The following LYST variants were observed in gnomAD, a reference collection of about 807,000 sequenced individuals.
LYST encodes the protein lysosomal-trafficking regulator.
LYST carries 192 observed loss-of-function variants against 413.6 expected under a neutral mutation model. The ratio of observed to expected loss-of-function variants is 0.46; its 90% CI spans 0.41 to 0.52. LYST has a LOEUF of 0.52. LYST is among the 20% of genes least tolerant of loss of function. LYST has a pLI of 0.00. For missense variants in LYST, 3,815 were observed against 4,499.9 expected (o/e 0.85, Z 4.35); for synonymous variants, 1,525 against 1,567.3 (o/e 0.97, Z 0.64).
chr1:235,882,926 T>C, intron 1 of LYST, among the ~76,000 whole-genome samples: 1 of 152,146 alleles, frequency 6.6e-6, no homozygotes, highest in East Asian at 1.9e-4. Flanking sequence ...ATGAATGTCT[T>C]TGGCTCACCC....
intron 20 of LYST, among the ~76,000 whole-genome samples, chr1:235,767,224 A>T (rs963740572): frequency 6.6e-6 from 1 of 152,080 alleles, no homozygotes; most frequent in African/African-American, 2.4e-5. Context: ...AAAATTCCTC[A>T]TCTTCCCTCT....
chr1:235,801,028 A>T lies in LYST; in HGVS notation c.3782T>A (p.Leu1261His). The T allele has an allele frequency of 1.2e-6, 2 of 1,613,668 alleles. No individual in the cohort carries two copies. Among genetic ancestry groups the T allele is most frequent in the Non-Finnish European group, 1.7e-6 (2 of 1,179,720 alleles). ...SSSPNDLLEN[L>H]TQGEIIYPEI... ...AGGATAAATTATTTCCCCTTGAGTG[A>T]GGTTTTCGAGTAAGTCATTTGGACT... The change falls in exon 9 of 53, where the codon CTC becomes CAC. Residue 1261 changes from leucine to histidine, a missense_variant. Coordinates refer to ENST00000389793, the MANE Select transcript of LYST (RefSeq NM_000081.4).
At chr1:235,778,790 G>C (rs1431023642) in intron 16 of LYST, among the ~76,000 whole-genome samples, 1 of 152,060 alleles carries the variant, frequency 6.6e-6, no homozygotes, top group Non-Finnish European at 1.5e-5. Flanking sequence ...TGCTGGAAAA[G>C]CAAAGTTTCA....
At chr1:235,796,605 T>C (rs1671578957) in intron 10 of LYST, among the ~76,000 whole-genome samples, 1 of 152,170 alleles carries the variant, frequency 6.6e-6, no homozygotes, top group Admixed American at 6.5e-5. Flanking sequence ...GATGGGATCT[T>C]TGGGAGGTGA....
chr1:235,825,776 A>C (rs999358721), intron 3 of LYST, among the ~76,000 whole-genome samples: 1 of 152,214 alleles, frequency 6.6e-6, no homozygotes, highest in Non-Finnish European at 1.5e-5. Context: ...TATAGATTCA[A>C]TGCCATCTTA....
At chr1:235,787,965 T>C (rs1250753779) in intron 13 of LYST, among the ~76,000 whole-genome samples, 1 of 152,092 alleles carries the variant, frequency 6.6e-6, no homozygotes, top group Non-Finnish European at 1.5e-5. Context: ...AAGGACAAGA[T>C]AACAAGGAGA....
chr1:235,835,311 T>A (rs1676451530), intron 1 of LYST, among the ~76,000 whole-genome samples: 4 of 152,108 alleles, frequency 2.6e-5, no homozygotes, highest in Admixed American at 2.6e-4. Flanking sequence ...AGCCTAAAGA[T>A]GGTATTATAT....
chr1:235,757,437 T>C lies in LYST; in HGVS notation c.6903A>G (p.Val2301=). 1 of 1,613,514 alleles carries C rather than the reference T, an allele frequency of 6.2e-7. No individual in the cohort carries two copies. The highest frequency in any genetic ancestry group is 8.5e-7 in the Non-Finnish European group (1 of 1,179,640). ...GTTCATATAATCCACAGCATATAGG[T>C]ACCAAACAGTCTTCAGTTACACTAA... The part of the protein sequence containing the change: ...SAHSVTEDCL[V]PICCGLYELL... Residue 2301 remains valine, a synonymous_variant, in exon 24 of 53, where the codon GTA becomes GTG. Coordinates refer to ENST00000389793, the MANE Select transcript of LYST (RefSeq NM_000081.4).
intron 39 of LYST, among the ~76,000 whole-genome samples, chr1:235,723,109 T>G (rs756240791): frequency 4.6e-5 from 7 of 151,598 alleles, no homozygotes; most frequent in Non-Finnish European, 1.0e-4. Flanking sequence ...AGAACAAGAG[T>G]CTTGGATAAT....
intron 37 of LYST, 139 bp downstream of exon 37, chr1:235,729,457 T>C (rs1160428075): frequency 4.4e-6 from 3 of 686,900 alleles, no homozygotes; most frequent in African/African-American, 1.8e-5. Context: ...TTACATATAA[T>C]GTTAAGGCAA....
chr1:235,843,584 C>A (rs1203473592), intron 1 of LYST, among the ~76,000 whole-genome samples: 1 of 151,952 alleles, frequency 6.6e-6, no homozygotes, highest in African/African-American at 2.4e-5. Flanking sequence ...ACAGACAGTG[C>A]CATCTGAAGG....
intron 1 of LYST, among the ~76,000 whole-genome samples, chr1:235,844,055 G>T (rs1196254358): frequency 6.6e-6 from 1 of 152,164 alleles, no homozygotes; most frequent in Non-Finnish European, 1.5e-5. Flanking sequence ...ATAATGTACA[G>T]AATAATAAGT....
chr1:235,741,298 C>G, intron 31 of LYST, 124 bp downstream of exon 31: 1 of 886,176 alleles, frequency 1.1e-6, no homozygotes, highest in Non-Finnish European at 1.8e-6. Context: ...GTTAAATTTG[C>G]TTGGTAAGAA....
intron 21 of LYST, among the ~76,000 whole-genome samples, chr1:235,763,485 C>T (rs1667799065): frequency 6.6e-6 from 1 of 152,216 alleles, no homozygotes; most frequent in African/African-American, 2.4e-5. Context: ...CAGTCTTGCT[C>T]TGTCGCCCAG....
chr1:235,758,965 T>A lies in LYST; in HGVS notation c.6881+7A>T. ...GGTGGGAGGAGTGTACAAAAACACA[T>A]AAGTACCTGTGAGCACTTGCAGTTC... On this transcript the variant is annotated splice_region_variant and intron_variant, in intron 23 of 52. Coordinates refer to ENST00000389793, the MANE Select transcript of LYST (RefSeq NM_000081.4). The A allele has an allele frequency of 6.2e-7, 1 of 1,613,800 alleles. No individual in the cohort carries two copies. The highest frequency in any genetic ancestry group is 8.5e-7 in the Non-Finnish European group (1 of 1,179,846).
At chr1:235,879,872 G>A (rs562411833) in intron 1 of LYST, among the ~76,000 whole-genome samples, 3 of 152,290 alleles carry the variant, frequency 2.0e-5, no homozygotes, top group African/African-American at 4.8e-5. Context: ...AAGTAGCTGG[G>A]ATTATGGGCA....
rs951510500 is a variant in LYST at position 235,840,579 on chromosome 1, T to TC, written c.-97-6913dup. Among the ~76,000 whole-genome samples the TC allele has an allele frequency of 7.7e-4, 117 of 152,078 alleles. 1 individual carries two copies. Among genetic ancestry groups the TC allele is most frequent in the African/African-American group, 2.7e-3 (113 of 41,406 alleles). Reference sequence around the variant, plus strand: ...CTAAACCCACAGCAAGACCTAAACATCGGTATTTTTAACAAGCTTCATAGG... The same window carrying TC: ...CTAAACCCACAGCAAGACCTAAACATCCGGTATTTTTAACAAGCTTCATAGG... On this transcript the variant is annotated intron_variant, in intron 1 of 52. Transcript: ENST00000389793.
chr1:235,726,287 T>G (rs777685676), intron 38 of LYST, among the ~76,000 whole-genome samples: 8 of 152,126 alleles, frequency 5.3e-5, no homozygotes, highest in Non-Finnish European at 1.0e-4. Flanking sequence ...TCCTACTCTA[T>G]GTGTGTTTTA....
At chr1:235,866,118 T>C (rs952284583) in intron 1 of LYST, among the ~76,000 whole-genome samples, 2 of 152,210 alleles carry the variant, frequency 1.3e-5, no homozygotes, top group African/African-American at 2.4e-5. Context: ...AACCCCTTCG[T>C]TGGGCTTTAC....
Sources: gnomAD v4.1 joint callset for allele counts (sites outside exome capture counted in the v4.1 genomes callset) on GRCh38, gnomAD v4.1.1 for gene constraint, MANE v1.5 for transcripts, NCBI Gene and HGNC (gene_info 2026-07-23, HGNC 2026-07-21) for gene names.